Variants in NBEA observed in about 807,000 individuals in gnomAD.
NBEA encodes the protein lysosomal-trafficking regulator 2.
NBEA carries 44 observed loss-of-function variants against 343.4 expected under a neutral mutation model. The ratio of observed to expected loss-of-function variants is 0.13; its 90% CI spans 0.10 to 0.16. The LOEUF (loss-of-function observed/expected upper bound fraction) is 0.16. Ranked by LOEUF, NBEA falls within the 10% of genes least tolerant of loss-of-function variation. NBEA has a pLI of 1.00. For synonymous variants in NBEA, 1,175 were observed against 1,238.7 expected (o/e 0.95, Z 1.08); for missense variants, 2,555 against 3,631.3 (o/e 0.70, Z 7.62).
chr13:35,271,500 G>A (rs1398378321), intron 34 of NBEA, among the ~76,000 whole-genome samples: 1 of 152,176 alleles, frequency 6.6e-6, no homozygotes, highest in Non-Finnish European at 1.5e-5. Context: ...ACTGGATGGA[G>A]AATGACTTTG....
chr13:34,973,624 C>G (rs1037926684), intron 1 of NBEA, among the ~76,000 whole-genome samples: 2 of 152,104 alleles, frequency 1.3e-5, no homozygotes, highest in East Asian at 3.9e-4. Context: ...TTTGGACTCT[C>G]CAGGGCCTGC....
At chr13:35,432,474 T>C (rs2045184441) in intron 39 of NBEA, 81 bp downstream of exon 39, 6 of 1,300,414 alleles carry the variant, frequency 4.6e-6, no homozygotes, top group South Asian at 3.6e-5. Flanking sequence ...TCTTTTTTTT[T>C]CGCTAGTATT....
intron 1 of NBEA, among the ~76,000 whole-genome samples, chr13:34,986,246 G>A (rs1384425353): frequency 2.7e-5 from 4 of 150,550 alleles, no homozygotes; most frequent in Admixed American, 2.0e-4. Context: ...CTTTGTTCTC[G>A]TTGGTTTCAA....
intron 41 of NBEA, among the ~76,000 whole-genome samples, chr13:35,484,064 G>A (rs2076216252): frequency 6.6e-6 from 1 of 152,024 alleles, no homozygotes; most frequent in Admixed American, 6.6e-5. Flanking sequence ...TGAAGAGACT[G>A]TACCTAAATG....
intron 39 of NBEA, among the ~76,000 whole-genome samples, chr13:35,440,709 A>G (rs529169756): frequency 6.6e-6 from 1 of 152,320 alleles, no homozygotes; most frequent in Non-Finnish European, 1.5e-5. Flanking sequence ...GTCGTTAAAC[A>G]ATTTTTATTT....
intron 36 of NBEA, among the ~76,000 whole-genome samples, chr13:35,339,905 A>G (rs1480394668): frequency 6.6e-6 from 1 of 152,102 alleles, no homozygotes; most frequent in African/African-American, 2.4e-5. Flanking sequence ...TGGAAATTAC[A>G]CTTCAACATA....
chr13:35,267,148 T>A (rs1163417974), intron 34 of NBEA, among the ~76,000 whole-genome samples: 4 of 151,812 alleles, frequency 2.6e-5, no homozygotes, highest in Non-Finnish European at 5.9e-5. Flanking sequence ...TGCTGTCTCT[T>A]GGGTGGCAAA....
chr13:35,345,587 G>A (rs1271268457), intron 36 of NBEA, among the ~76,000 whole-genome samples: 5 of 152,036 alleles, frequency 3.3e-5, no homozygotes. Context: ...TTCCTTAGCA[G>A]TCTAGATGTA....
At chr13:35,577,486 TTCC>T (rs1283917770) in intron 45 of NBEA, among the ~76,000 whole-genome samples, 5 of 152,228 alleles carry the variant, frequency 3.3e-5, no homozygotes, top group Non-Finnish European at 7.3e-5. Context: ...ATCATATCAT[TTCC>T]TCATTTATTT....
intron 22 of NBEA, among the ~76,000 whole-genome samples, chr13:35,160,736 C>A (rs1263827792): frequency 6.6e-6 from 1 of 152,112 alleles, no homozygotes; most frequent in East Asian, 1.9e-4. Context: ...TTTGACCTCA[C>A]TGGAATAAAG....
intron 1 of NBEA, among the ~76,000 whole-genome samples, chr13:35,039,258 C>T (rs542218431): frequency 6.7e-3 from 114 of 16,966 alleles, no homozygotes; most frequent in Middle Eastern, 0.045. Flanking sequence ...GCGTCAGAGA[C>T]TCAGAACTGT....
rs760733067 is a variant in NBEA at position 34,942,931 on chromosome 13, C to T, written c.111C>T (p.Thr37=). The T allele has an allele frequency of 8.4e-6, 13 of 1,541,898 alleles. No individual in the cohort carries two copies. The highest frequency in any genetic ancestry group is 3.7e-5 in the Admixed American group (2 of 53,906). The change falls in exon 1 of 59, where the codon ACC becomes ACT. Residue 37 remains threonine, a synonymous_variant. Coordinates refer to ENST00000379939, the MANE Select transcript of NBEA (RefSeq NM_001385012.1). ...GGGGGSGGGG[T]GGSGMGELRG... ...GCGGGGGCAGCGGTGGTGGCGGCAC[C>T]GGGGGCAGCGGGATGGGGGAGCTAA...
At chr13:35,221,170 C>A (rs550107179) in intron 33 of NBEA, among the ~76,000 whole-genome samples, 47 of 152,006 alleles carry the variant, frequency 3.1e-4, no homozygotes, top group African/African-American at 1.1e-3. Flanking sequence ...ATAGTGAAAC[C>A]CCATCTCTGC....
At chr13:35,361,493 A>G (rs2040803664) in intron 38 of NBEA, among the ~76,000 whole-genome samples, 3 of 152,096 alleles carry the variant, frequency 2.0e-5, no homozygotes, top group Non-Finnish European at 2.9e-5. Flanking sequence ...TCCATGTGCA[A>G]AAATCGGAAC....
intron 44 of NBEA, among the ~76,000 whole-genome samples, chr13:35,556,869 C>A (rs759433336): frequency 6.6e-6 from 1 of 152,026 alleles, no homozygotes; most frequent in Non-Finnish European, 1.5e-5. Context: ...TGTGTTCATG[C>A]AGTATATTAT....
intron 10 of NBEA, among the ~76,000 whole-genome samples, chr13:35,087,244 GA>G (rs898771544): frequency 6.6e-6 from 1 of 151,454 alleles, no homozygotes; most frequent in Non-Finnish European, 1.5e-5. Context: ...AAAACAACTA[GA>G]AAAAAACATG....
At chr13:35,301,776 G>A (rs2036566036) in intron 35 of NBEA, among the ~76,000 whole-genome samples, 1 of 152,052 alleles carries the variant, frequency 6.6e-6, no homozygotes, top group African/African-American at 2.4e-5. Flanking sequence ...CTTCCACACT[G>A]GCTGAACTAA....
At chr13:35,670,095 T>A (rs995072194) in intron 58 of NBEA, among the ~76,000 whole-genome samples, 7 of 152,240 alleles carry the variant, frequency 4.6e-5, no homozygotes, top group African/African-American at 9.6e-5. Context: ...TATAAACTGA[T>A]AAACATATAT....
At chr13:35,524,234 C>T (rs1438447798) in intron 41 of NBEA, among the ~76,000 whole-genome samples, 6 of 152,166 alleles carry the variant, frequency 3.9e-5, no homozygotes, top group African/African-American at 1.2e-4. Context: ...GTGCTACAGA[C>T]TCAAAGAAAA....
Sources: allele counts gnomAD v4.1 joint callset (sites outside exome capture counted in the v4.1 genomes callset), GRCh38; gene constraint gnomAD v4.1.1; transcripts MANE v1.5; gene names NCBI Gene and HGNC (gene_info 2026-07-23, HGNC 2026-07-21).